DNAJC16: variants seen among roughly 807,000 people sequenced by gnomAD.
The protein encoded by DNAJC16 is DnaJ heat shock protein family (Hsp40) member C16, also known as dnaJ homolog subfamily C member 16.
In DNAJC16, 76 loss-of-function variants were observed where a neutral mutation model predicts 92.7. The ratio of observed to expected loss-of-function variants is 0.82; its 90% CI spans 0.68 to 0.99. The LOEUF (loss-of-function observed/expected upper bound fraction) is 0.99, where lower values mean the gene tolerates loss of function less well. Ranked by LOEUF, DNAJC16 falls within the 50% of genes least tolerant of loss-of-function variation. DNAJC16 has a pLI of 0.00. For missense variants in DNAJC16, 869 were observed against 942.4 expected (o/e 0.92, Z 1.02); for synonymous variants, 328 against 358.7 (o/e 0.91, Z 0.97).
intron 7 of DNAJC16, among the ~76,000 whole-genome samples, chr1:15,558,962 T>C (rs1638629840): frequency 6.6e-6 from 1 of 152,158 alleles, no homozygotes; most frequent in Non-Finnish European, 1.5e-5. Context: ...GTTTTTGAGA[T>C]GGAGTCTCGC....
chr1:15,554,725 G>A (rs1256426473), intron 7 of DNAJC16, among the ~76,000 whole-genome samples: 1 of 152,022 alleles, frequency 6.6e-6, no homozygotes, highest in African/African-American at 2.4e-5. Flanking sequence ...AAACTTACTG[G>A]TGTCTTATTG....
chr1:15,535,589 G>T (rs1012152270), intron 3 of DNAJC16, among the ~76,000 whole-genome samples: 8 of 151,990 alleles, frequency 5.3e-5, no homozygotes, highest in African/African-American at 1.9e-4. Flanking sequence ...ACAAAAATTA[G>T]CCAGGCATGG....
chr1:15,565,830 G>A, intron 11 of DNAJC16, 89 bp from the exon 12 acceptor site: 2 of 1,326,506 alleles, frequency 1.5e-6, no homozygotes, highest in Non-Finnish European at 2.1e-6. Flanking sequence ...GGTGTGAAGA[G>A]TTTTTGGTTT....
At chr1:15,530,111 A>G (rs913646434) in intron 2 of DNAJC16, among the ~76,000 whole-genome samples, 5 of 151,954 alleles carry the variant, frequency 3.3e-5, no homozygotes, top group African/African-American at 1.2e-4. Context: ...AGGGCTGACT[A>G]TATATTACTC....
Position 15,567,856 on chromosome 1 carries a change from A to G in DNAJC16, c.2028A>G (p.Gln676=). 6.2e-7 allele frequency: 1 copy of G among 1,614,234 alleles called. No homozygotes were observed. The highest frequency in any genetic ancestry group is 8.5e-7 in the Non-Finnish European group (1 of 1,180,034). Residue 676 remains glutamine (Q), a synonymous_variant, in exon 15 of 15, where the codon CAA becomes CAG. Transcript: ENST00000375847. ...EWLEYLLEFA[Q]DAAPIPNQYD... ...TAGAATACTTACTAGAATTTGCTCAAGATGCAGCTCCAATCCCAAACCAAT... is the reference window on the plus strand; with the variant it reads ...TAGAATACTTACTAGAATTTGCTCAGGATGCAGCTCCAATCCCAAACCAAT...
chr1:15,530,877 G>A (rs1262905365), intron 2 of DNAJC16, among the ~76,000 whole-genome samples: 2 of 152,142 alleles, frequency 1.3e-5, no homozygotes, highest in African/African-American at 2.4e-5. Flanking sequence ...TAGTAGAGAC[G>A]GGGTTTTGCC....
At chr1:15,548,199 A>G in intron 6 of DNAJC16, 71 bp from the exon 7 acceptor site, 1 of 1,508,344 alleles carries the variant, frequency 6.6e-7, no homozygotes, top group South Asian at 1.2e-5. Flanking sequence ...GATGTGAAAA[A>G]GCCCTACTTG....
intron 5 of DNAJC16, among the ~76,000 whole-genome samples, chr1:15,546,028 G>A (rs113313300): frequency 0.011 from 1,745 of 152,270 alleles, 40 homozygotes; most frequent in African/African-American, 0.039. Context: ...AAGCTGGCCT[G>A]GAGTGGTGGC....
intron 11 of DNAJC16, among the ~76,000 whole-genome samples, chr1:15,564,753 T>G (rs1638772276): frequency 6.6e-6 from 1 of 151,976 alleles, no homozygotes; most frequent in African/African-American, 2.4e-5. Flanking sequence ...GGTCTCAAAC[T>G]CCTGACCTCA....
rs771602188 is a variant in DNAJC16 at position 15,557,734 on chromosome 1, G to GT, written c.1024-1780dup. Among the ~76,000 whole-genome samples the GT allele has an allele frequency of 7.3e-3, 1,046 of 143,502 alleles. 3 individuals carry two copies. Among genetic ancestry groups the GT allele is most frequent in the Non-Finnish European group, 0.012 (788 of 65,020 alleles). 94.1% of individuals were successfully genotyped at this position (143,502 alleles called of 152,430 possible). The stretch of plus-strand genomic sequence containing the variant: ...ATATCTGATAGGCGTTCTTGTTTTG[G>GT]TTTTTTTTTTTTCTTTTTTAGTCAG... On this transcript the variant is annotated intron_variant, in intron 7 of 14. Coordinates refer to ENST00000375847, the MANE Select transcript of DNAJC16 (RefSeq NM_015291.4).
rs150485230 is a variant in DNAJC16, at chr1:15,548,417, G to A, written c.1012G>A (p.Asp338Asn). The A allele has an allele frequency of 5.0e-6, 8 of 1,611,350 alleles. No homozygotes were observed. The highest frequency in any genetic ancestry group is 2.2e-5 in the East Asian group (1 of 44,770). Reference protein sequence around the residue: ...VFKEHINRPADVIQARGMKKQ... With the variant: ...VFKEHINRPANVIQARGMKKQ... ...TAAAGAACATATAAACAGGCCTGCC[G>A]ATGTTATCCAGGTACGTGAGGGTCA... The change falls in exon 7 of 15, where the codon GAT becomes AAT. Residue 338 changes from aspartate (D) to asparagine (N), a missense_variant. Asp to Asn is a conservative substitution (Grantham distance 23). Transcript: ENST00000375847.
chr1:15,559,568 C>T lies in DNAJC16; in HGVS notation c.1066C>T (p.Arg356Ter), dbSNP rs758787062. 22 of 1,613,990 alleles carry T rather than the reference C, an allele frequency of 1.4e-5. 1 individual carries two copies. Among genetic ancestry groups the T allele is most frequent in the South Asian group, 2.2e-5 (2 of 91,088 alleles). Residue 356 changes from arginine to a stop codon, truncating the protein, a stop_gained, in exon 8 of 15, where the codon CGA becomes TGA. Transcript: ENST00000375847. LOFTEE classifies it high-confidence loss of function. ...GCAAATCATTGACGACTTCATCACC[C>T]GAAACAAATATCTATTGGCAGCCAG... ...KKQIIDDFITRNKYLLAARLT... is the reference protein window; with the variant it reads ...KKQIIDDFIT
chr1:15,559,256 T>G (rs888299707), intron 7 of DNAJC16, among the ~76,000 whole-genome samples: 13 of 152,122 alleles, frequency 8.5e-5, no homozygotes, highest in African/African-American at 3.1e-4. Context: ...CTTTTTTAAT[T>G]TGTCAGCATA....
At chr1:15,553,511 G>A (rs1638496143) in intron 7 of DNAJC16, among the ~76,000 whole-genome samples, 1 of 152,202 alleles carries the variant, frequency 6.6e-6, no homozygotes, top group African/African-American at 2.4e-5. Flanking sequence ...TGGGATTACA[G>A]ACGTGAGTCA....
At chr1:15,555,220 CA>C (rs950738509) in intron 7 of DNAJC16, among the ~76,000 whole-genome samples, 4 of 139,626 alleles carry the variant, frequency 2.9e-5, no homozygotes, top group African/African-American at 5.3e-5. Flanking sequence ...TACTAAAATA[CA>C]AAAAAAAAGA....
chr1:15,565,954 C>G lies in DNAJC16; in HGVS notation c.1634C>G (p.Ser545Cys). 6.2e-7 allele frequency: 1 copy of G among 1,613,822 alleles called. No individual in the cohort carries two copies. The highest frequency in any genetic ancestry group is 8.5e-7 in the Non-Finnish European group (1 of 1,180,016). ...ATGCCCCTGCTGTCCCTGATCTTCTCTGCCCTCTTCATCCTCTTCGGCACT... is the reference window on the plus strand; with the variant it reads ...ATGCCCCTGCTGTCCCTGATCTTCTGTGCCCTCTTCATCCTCTTCGGCACT... ...EMMPLLSLIFSALFILFGTVI... is the reference protein window; with the variant it reads ...EMMPLLSLIFCALFILFGTVI... Residue 545 changes from serine (S) to cysteine (C), a missense_variant, in exon 12 of 15, where the codon TCT becomes TGT. Coordinates refer to ENST00000375847, the MANE Select transcript of DNAJC16 (RefSeq NM_015291.4).
chr1:15,537,940 A>G (rs1461059348), intron 4 of DNAJC16, among the ~76,000 whole-genome samples: 2 of 152,174 alleles, frequency 1.3e-5, no homozygotes, highest in African/African-American at 4.8e-5. Flanking sequence ...TACCTCAATC[A>G]TCTCAGCACA....
intron 2 of DNAJC16, among the ~76,000 whole-genome samples, chr1:15,530,080 A>C (rs376428560): frequency 6.6e-6 from 1 of 152,158 alleles, no homozygotes; most frequent in African/African-American, 2.4e-5. Flanking sequence ...GAATCCATGG[A>C]TGTGAAACCA....
At chr1:15,541,498 G>A (rs999180340) in intron 4 of DNAJC16, among the ~76,000 whole-genome samples, 4 of 152,084 alleles carry the variant, frequency 2.6e-5, no homozygotes, top group Admixed American at 6.6e-5. Context: ...TGAGGGAAGC[G>A]GACTATACAA....
Sources: allele counts gnomAD v4.1 joint callset (sites outside exome capture counted in the v4.1 genomes callset), GRCh38; gene constraint gnomAD v4.1.1; transcripts MANE v1.5; gene names NCBI Gene and HGNC (gene_info 2026-07-23, HGNC 2026-07-21).